The following LRRTM4 variants were observed in gnomAD, a reference collection of about 807,000 sequenced individuals.
LRRTM4 encodes leucine-rich repeat transmembrane neuronal protein 4.
In LRRTM4, 25 loss-of-function variants were observed where a neutral mutation model predicts 47.6. The ratio of observed to expected loss-of-function variants is 0.53; its 90% CI spans 0.38 to 0.73. The LOEUF (loss-of-function observed/expected upper bound fraction) is 0.73, where lower values mean the gene tolerates loss of function less well. Ranked by LOEUF, LRRTM4 falls within the 30% of genes least tolerant of loss-of-function variation. LRRTM4 has a pLI of 0.00. For missense variants in LRRTM4, 638 were observed against 713.4 expected, an observed-to-expected ratio of 0.89 and a Z score of 1.20; for synonymous variants, 311 against 269.5, an observed-to-expected ratio of 1.15 and a Z score of -1.51.
chr2:77,410,815 T>C (rs2103858348), intron 3 of LRRTM4, among the ~76,000 whole-genome samples: 1 of 152,298 alleles, frequency 6.6e-6, no homozygotes, highest in South Asian at 2.1e-4. Context: ...GAGGATAGCC[T>C]GGGTCTGCAT....
intron 3 of LRRTM4, among the ~76,000 whole-genome samples, chr2:76,897,708 C>T (rs965090942): frequency 6.6e-6 from 1 of 152,138 alleles, no homozygotes; most frequent in Admixed American, 6.6e-5. Flanking sequence ...TAATCACTGG[C>T]TGGGCTATGA....
At chr2:77,183,310 G>A (rs1673402740) in intron 3 of LRRTM4, among the ~76,000 whole-genome samples, 1 of 152,300 alleles carries the variant, frequency 6.6e-6, no homozygotes, top group East Asian at 1.9e-4. Context: ...CATTTATGCA[G>A]CCAAACGACA....
At chr2:76,979,541 G>GTATATATATA (rs70939837) in intron 3 of LRRTM4, among the ~76,000 whole-genome samples, 2 of 126,958 alleles carry the variant, frequency 1.6e-5, no homozygotes, top group African/African-American at 3.4e-5. Flanking sequence ...CTGAATTTCT[G>GTATATATATA]TATATATATA....
chr2:77,284,232 G>A (rs1204253067), intron 3 of LRRTM4, among the ~76,000 whole-genome samples: 1 of 151,976 alleles, frequency 6.6e-6, no homozygotes, highest in East Asian at 1.9e-4. Flanking sequence ...TACACCTATG[G>A]TCATGGGTAA....
chr2:77,147,913 G>GT (rs1295143672), intron 3 of LRRTM4, among the ~76,000 whole-genome samples: 1 of 152,036 alleles, frequency 6.6e-6, no homozygotes, highest in Admixed American at 6.6e-5. Context: ...AGCATTGAGG[G>GT]TTTATGGATG....
At chr2:77,344,352 C>G (rs1671484129) in intron 3 of LRRTM4, among the ~76,000 whole-genome samples, 1 of 151,624 alleles carries the variant, frequency 6.6e-6, no homozygotes, top group African/African-American at 2.4e-5. Flanking sequence ...AATAAAGACA[C>G]AGCAAGTTCA....
intron 3 of LRRTM4, among the ~76,000 whole-genome samples, chr2:77,475,660 A>G (rs777872472): frequency 6.6e-6 from 1 of 151,868 alleles, no homozygotes; most frequent in East Asian, 1.9e-4. Context: ...TGTCTTCTAC[A>G]AAGATTGACA....
chr2:76,860,038 C>T (rs1053315196), intron 3 of LRRTM4, among the ~76,000 whole-genome samples: 2 of 152,100 alleles, frequency 1.3e-5, no homozygotes, highest in African/African-American at 4.8e-5. Flanking sequence ...GTCTTTCCCA[C>T]TCAATACAGA....
intron 3 of LRRTM4, among the ~76,000 whole-genome samples, chr2:77,044,410 C>G (rs4510248): frequency 4.1e-4 from 62 of 151,608 alleles, no homozygotes; most frequent in African/African-American, 1.4e-3. Flanking sequence ...CTCAAAAATG[C>G]TAACTTCTAT....
At chr2:76,814,917 C>T (rs76873640) in intron 3 of LRRTM4, among the ~76,000 whole-genome samples, 7,054 of 151,168 alleles carry the variant, frequency 0.047, 479 homozygotes, top group African/African-American at 0.14. Context: ...TGAAATAAAA[C>T]AAATAAAAGA....
chr2:77,493,197 A>C (rs1168781736), intron 3 of LRRTM4, among the ~76,000 whole-genome samples: 1 of 152,116 alleles, frequency 6.6e-6, no homozygotes, highest in Non-Finnish European at 1.5e-5. Flanking sequence ...ATTATGCAAC[A>C]AGAAAGGAAA....
At chr2:76,985,031 T>A (rs537834756) in intron 3 of LRRTM4, among the ~76,000 whole-genome samples, 16 of 152,164 alleles carry the variant, frequency 1.1e-4, no homozygotes, top group African/African-American at 3.9e-4. Context: ...AATAAAGTTT[T>A]TTTAAAGTAT....
chr2:77,039,181 T>C (rs889166500), intron 3 of LRRTM4, among the ~76,000 whole-genome samples: 2 of 151,400 alleles, frequency 1.3e-5, no homozygotes, highest in Admixed American at 1.3e-4. Context: ...TGTCATCTTA[T>C]AAAAAGAGGA....
At chr2:77,371,772 C>T (rs1460231076) in intron 3 of LRRTM4, among the ~76,000 whole-genome samples, 3 of 151,580 alleles carry the variant, frequency 2.0e-5, no homozygotes, top group Non-Finnish European at 4.4e-5. Context: ...TCCTAATGAC[C>T]TTCCTTGGCC....
intron 3 of LRRTM4, among the ~76,000 whole-genome samples, chr2:77,175,437 C>T (rs1337075418): frequency 1.3e-5 from 2 of 152,138 alleles, no homozygotes; most frequent in Non-Finnish European, 2.9e-5. Context: ...TGGATAGAAT[C>T]CAGGGCTCGT....
rs372761101 is a variant in LRRTM4, at chr2:77,382,986, C to A, written c.1551+135332G>T. On this transcript the variant is annotated intron_variant, in intron 3 of 3. Coordinates refer to ENST00000409884, the MANE Select transcript of LRRTM4 (RefSeq NM_001134745.3). ...AAATATGCAGATTCAGAGCTGCTGG[C>A]GTTTTCCATTTGGAGTGGTAAATTG... 2.4e-4 allele frequency among the ~76,000 whole-genome samples: 36 copies of A among 152,040 alleles called. No individual in the cohort carries two copies. In the East Asian group the frequency reaches 6.8e-3, roughly 29 times the overall value.
chr2:76,810,405 T>A (rs918965183), intron 3 of LRRTM4, among the ~76,000 whole-genome samples: 12 of 152,328 alleles, frequency 7.9e-5, no homozygotes, highest in Non-Finnish European at 1.6e-4. Context: ...ATAGAATAAC[T>A]GTTTTCTTAT....
chr2:77,067,247 G>A (rs1679986509), intron 3 of LRRTM4, among the ~76,000 whole-genome samples: 1 of 152,082 alleles, frequency 6.6e-6, no homozygotes, highest in Admixed American at 6.6e-5. Context: ...AACATGTAAA[G>A]CACTTTTAAA....
intron 3 of LRRTM4, among the ~76,000 whole-genome samples, chr2:76,928,843 A>C (rs973158524): frequency 8.5e-5 from 13 of 152,222 alleles, no homozygotes; most frequent in Non-Finnish European, 1.8e-4. Context: ...AGAACACAAA[A>C]GAATGTGATG....
Sources: gnomAD v4.1 joint callset for allele counts (sites outside exome capture counted in the v4.1 genomes callset) on GRCh38, gnomAD v4.1.1 for gene constraint, MANE v1.5 for transcripts, NCBI Gene and HGNC (gene_info 2026-07-23, HGNC 2026-07-21) for gene names.